The following FIGNL2 variants were observed in gnomAD, a reference collection of about 807,000 sequenced individuals.
The protein encoded by FIGNL2 is fidgetin-like protein 2.
For missense variants in FIGNL2, 1,060 were observed against 950.2 expected (o/e 1.12, Z -1.52); for synonymous variants, 565 against 484.0 (o/e 1.17, Z -2.20).
intron 1 of FIGNL2, among the ~76,000 whole-genome samples, chr12:51,836,381 A>C: frequency 6.8e-6 from 1 of 147,058 alleles, no homozygotes. Context: ...CCTCATCCTC[A>C]TCCAATCCCA....
At chr12:51,826,726 A>G (rs746397690) in intron 1 of FIGNL2, among the ~76,000 whole-genome samples, 6 of 151,712 alleles carry the variant, frequency 4.0e-5, no homozygotes, top group Non-Finnish European at 8.8e-5. Context: ...ATAGCGCTAC[A>G]TTTTCCTTTA....
intron 1 of FIGNL2, among the ~76,000 whole-genome samples, chr12:51,846,475 A>C (rs755959529): frequency 6.6e-6 from 1 of 152,228 alleles, no homozygotes; most frequent in Non-Finnish European, 1.5e-5. Flanking sequence ...CAGGCAGGGC[A>C]GGGAGGGGAG....
In FIGNL2 at chr12:51,818,273, G is replaced by C. The variant is rs967773077; in HGVS notation, c.*2179C>G. The stretch of plus-strand genomic sequence containing the variant: ...AGCTCCCCAAGCCTGGGGAACAGGA[G>C]GAGCCTAGTAGAGAAAGCGGTGGGG... On this transcript the variant is annotated 3_prime_UTR_variant, in exon 2 of 2. Transcript: ENST00000618634. The C allele has an allele frequency of 9.2e-5, 14 of 152,170 alleles. No homozygotes were observed. The highest frequency in any genetic ancestry group is 3.4e-4 in the African/African-American group (14 of 41,410). 9.4% of individuals were successfully genotyped at this position (152,170 alleles called of 1,614,324 possible).
At chr12:51,844,056 A>G (rs906629336) in intron 1 of FIGNL2, among the ~76,000 whole-genome samples, 5 of 152,130 alleles carry the variant, frequency 3.3e-5, no homozygotes, top group Non-Finnish European at 7.4e-5. Flanking sequence ...CGGGTCCCCA[A>G]GGTAGGCTTC....
intron 1 of FIGNL2, chr12:51,845,466 C>A: frequency 1.0e-6 from 1 of 985,284 alleles, no homozygotes; most frequent in South Asian, 4.7e-5. Context: ...CACCGCCCCC[C>A]CCCCACAGTC....
intron 1 of FIGNL2, among the ~76,000 whole-genome samples, chr12:51,834,116 G>GATGA (rs1939536028): frequency 7.3e-6 from 1 of 137,026 alleles, no homozygotes; most frequent in African/African-American, 2.7e-5. Flanking sequence ...TGGTTGGATG[G>GATGA]ATGGATGGAT....
chr12:51,825,915 C>T (rs1401729644), intron 1 of FIGNL2: 11 of 152,250 alleles, frequency 7.2e-5, no homozygotes, highest in Admixed American at 4.6e-4. Context: ...CGCGCCCGGC[C>T]GACACTCTTA....
At position 51,820,565 on chromosome 12, in the gene FIGNL2, G is replaced by A. The variant is rs1212367338; in HGVS notation, c.1849C>T (p.Pro617Ser). The A allele has an allele frequency of 3.9e-6, 6 of 1,533,260 alleles. No homozygotes were observed. The East Asian group carries it at 1.2e-4, about 31-fold the overall frequency. 95.0% of individuals were successfully genotyped at this position (1,533,260 alleles called of 1,614,324 possible). Reference protein sequence around the residue: ...AGAGLPGLQRPLSYKDLEAAL... With the variant: ...AGAGLPGLQRSLSYKDLEAAL... ...GCCTCCAGGTCCTTGTAGGAGAGGG[G>A]GCGCTGCAGCCCCGGGAGGCCCGCC... The change falls in exon 2 of 2, where the codon CCC becomes TCC. Residue 617 changes from proline to serine, a missense_variant. By Grantham distance (74) the Pro-to-Ser change is moderately conservative. Coordinates refer to ENST00000618634, the MANE Select transcript of FIGNL2 (RefSeq NM_001384995.1).
At chr12:51,846,291 G>A (rs1010509213) in intron 1 of FIGNL2, among the ~76,000 whole-genome samples, 8 of 152,226 alleles carry the variant, frequency 5.3e-5, no homozygotes. Flanking sequence ...GCTCGGGGCT[G>A]GGGAGGTGAT....
At chr12:51,824,863 G>A (rs74681053) in intron 1 of FIGNL2, among the ~76,000 whole-genome samples, 1 of 152,110 alleles carries the variant, frequency 6.6e-6, no homozygotes, top group Non-Finnish European at 1.5e-5. Flanking sequence ...GGCCAACATG[G>A]TGAAACACCG....
In FIGNL2 at chr12:51,821,635, T is replaced by C. The variant is rs1486004347; in HGVS notation, c.779A>G (p.Glu260Gly). ...CTTGCGCTTCAGCGACAGCCCGGAT[T>C]CGGCACCCGGCGCGGCCGTGGGGAA... ...YGFPTAAPGA[E>G]SGLSLKRKAA... The change falls in exon 2 of 2, where the codon GAA becomes GGA. Residue 260 changes from glutamate (E) to glycine (G), a missense_variant. Coordinates refer to ENST00000618634, the MANE Select transcript of FIGNL2 (RefSeq NM_001384995.1). 1 of 1,483,524 alleles carries C rather than the reference T, an allele frequency of 6.7e-7. No homozygotes were observed. The highest frequency in any genetic ancestry group is 2.2e-5 in the Admixed American group (1 of 45,468). 91.9% of individuals were successfully genotyped at this position (1,483,524 alleles called of 1,614,324 possible).
chr12:51,821,031 C>T lies in FIGNL2; in HGVS notation c.1383G>A (p.Leu461=). ...CGCCCTCGGCGGCGCCGGGCGCAGC[C>T]AGGGTCGCGCCGCGCAGGCGCAACA... The part of the protein sequence containing the change: ...ATLLRLRGAT[L]AAPGAAEGAR... Residue 461 remains leucine (L), a synonymous_variant, in exon 2 of 2, where the codon CTG becomes CTA. Transcript: ENST00000618634. 2 of 1,181,766 alleles carry T rather than the reference C, an allele frequency of 1.7e-6. No individual in the cohort carries two copies. Among genetic ancestry groups the T allele is most frequent in the Non-Finnish European group, 2.1e-6 (2 of 957,754 alleles). The allele number at this position is 1,181,766 out of a possible 1,614,324, so 73.2% of individuals were successfully genotyped here.
Position 51,821,788 on chromosome 12 carries a change from C to A in FIGNL2, c.626G>T (p.Gly209Val), listed in dbSNP as rs1403950916. Residue 209 changes from glycine (G) to valine (V), a missense_variant, in exon 2 of 2, where the codon GGC becomes GTC. Coordinates refer to ENST00000618634, the MANE Select transcript of FIGNL2 (RefSeq NM_001384995.1). ...SAPLYNYPAG[G>V]YAAQPGYGAL... is the part of the protein sequence containing the mutation. ...GCCATAGCCGGGCTGCGCTGCGTAGCCCCCTGCGGGATAGTTGTACAGCGG... is the reference window on the plus strand; with the variant it reads ...GCCATAGCCGGGCTGCGCTGCGTAGACCCCTGCGGGATAGTTGTACAGCGG... The A allele has an allele frequency of 7.8e-7, 1 of 1,276,774 alleles. No homozygotes were observed. The highest frequency in any genetic ancestry group is 9.8e-7 in the Non-Finnish European group (1 of 1,017,654). 79.1% of individuals were successfully genotyped at this position (1,276,774 alleles called of 1,614,324 possible).
chr12:51,839,554 G>C (rs1398384805), intron 1 of FIGNL2, among the ~76,000 whole-genome samples: 1 of 152,158 alleles, frequency 6.6e-6, no homozygotes, highest in Admixed American at 6.5e-5. Context: ...CTCCTACCAA[G>C]CACAGAGACG....
At position 51,821,697 on chromosome 12, in the gene FIGNL2, C is replaced by T; in HGVS notation, c.717G>A (p.Thr239=). Residue 239 remains threonine, a synonymous_variant, in exon 2 of 2, where the codon ACG becomes ACA. Transcript: ENST00000618634. The stretch of plus-strand genomic sequence containing the variant: ...TGGGCGGTGCCGGCGCGGGCAGGGG[C>T]GTGGGCGCGGGCAGGCCCGGGGTCA... ...PYLTPGLPAP[T]PLPAPAPPTA... is the part of the protein sequence containing the mutation. 1 of 1,249,824 alleles carries T rather than the reference C, an allele frequency of 8.0e-7. No individual in the cohort carries two copies. The highest frequency in any genetic ancestry group is 1.0e-6 in the Non-Finnish European group (1 of 998,642). The allele number at this position is 1,249,824 out of a possible 1,614,324, so 77.4% of individuals were successfully genotyped here.
chr12:51,823,965 A>G (rs1012485722), intron 1 of FIGNL2: 27 of 152,226 alleles, frequency 1.8e-4, no homozygotes, highest in African/African-American at 6.3e-4. Flanking sequence ...CTGGACCATG[A>G]AAAGTGAGGG....
Position 51,821,105 on chromosome 12 carries a change from C to T in FIGNL2, c.1309G>A (p.Gly437Ser). The T allele has an allele frequency of 1.5e-6, 2 of 1,376,728 alleles. No individual in the cohort carries two copies. The highest frequency in any genetic ancestry group is 1.7e-5 in the South Asian group (1 of 59,908). 85.3% of individuals were successfully genotyped at this position (1,376,728 alleles called of 1,614,324 possible). A position where few individuals can be genotyped will look rare whatever the true frequency, so the allele number is the denominator to read the frequency against. ...AGGCAGCGGCCCAGCAGCGCTTTGC[C>T]CGCGCCCCGCGGCCCAAAGAGCAGG... ...TVLLFGPRGA[G>S]KALLGRCLAT... The change falls in exon 2 of 2, where the codon GGC (glycine) becomes AGC (serine). Residue 437 changes from glycine to serine, a missense_variant. Gly to Ser is a moderately conservative substitution (Grantham distance 56). Coordinates refer to ENST00000618634, the MANE Select transcript of FIGNL2 (RefSeq NM_001384995.1).
In FIGNL2 at chr12:51,844,791, G is replaced by A. The variant is rs1939716971; in HGVS notation, c.-12+3749C>T. ...CACATAGTCAGAGATGAGATGACCA[G>A]CCCAGACCCTGACCCAGCCAGTGTG... On this transcript the variant is annotated intron_variant, in intron 1 of 1. Coordinates refer to ENST00000618634, the MANE Select transcript of FIGNL2 (RefSeq NM_001384995.1). The A allele has an allele frequency of 3.0e-6, 3 of 985,306 alleles. No homozygotes were observed. The African/African-American group carries it at 5.2e-5, about 17-fold the overall frequency. 61.0% of individuals were successfully genotyped at this position (985,306 alleles called of 1,614,324 possible). A position where few individuals can be genotyped will look rare whatever the true frequency, so the allele number is the denominator to read the frequency against.
In FIGNL2 at chr12:51,819,119, G is replaced by C. The variant is rs1166809459; in HGVS notation, c.*1333C>G. The stretch of plus-strand genomic sequence containing the variant: ...TGTCTACCCAGATGGAATCCTCCTA[G>C]CATAAGTCACTGGGGACCTCTGCCA... On this transcript the variant is annotated 3_prime_UTR_variant, in exon 2 of 2. Coordinates refer to ENST00000618634, the MANE Select transcript of FIGNL2 (RefSeq NM_001384995.1). The C allele has an allele frequency of 6.6e-6, 1 of 152,278 alleles. No individual in the cohort carries two copies. Among genetic ancestry groups the C allele is most frequent in the Non-Finnish European group, 1.5e-5 (1 of 68,092 alleles). The allele number at this position is 152,278 out of a possible 1,614,324, so 9.4% of individuals were successfully genotyped here. A position where few individuals can be genotyped will look rare whatever the true frequency, so the allele number is the denominator to read the frequency against.
Sources: allele counts gnomAD v4.1 joint callset (sites outside exome capture counted in the v4.1 genomes callset), GRCh38; gene constraint gnomAD v4.1.1; transcripts MANE v1.5; gene names NCBI Gene and HGNC (gene_info 2026-07-23, HGNC 2026-07-21).